Variants in AGBL4 observed in about 807,000 individuals in gnomAD.
The protein encoded by AGBL4 is AGBL carboxypeptidase 4.
In AGBL4, 58 loss-of-function variants were observed where a neutral mutation model predicts 66.4. The observed-to-expected ratio is 0.87, with a 90% confidence interval of 0.71 to 1.09. AGBL4 has a LOEUF of 1.09. AGBL4 is among the 50% of genes least tolerant of loss of function. The pLI is 0.00. For missense variants in AGBL4, 579 were observed against 631.0 expected (o/e 0.92, Z 0.88); for synonymous variants, 234 against 222.9 (o/e 1.05, Z -0.44).
chr1:49,566,127 C>T lies in AGBL4; in HGVS notation c.282+131186G>A, dbSNP rs564021016. ...AGGCTTATGCATTCATCACGTAGTT[C>T]TTGTGCCATGGTTTTCAGCTCCATC... On this transcript the variant is annotated intron_variant, in intron 3 of 13. Coordinates refer to ENST00000371839, the MANE Select transcript of AGBL4 (RefSeq NM_032785.4). Among the ~76,000 whole-genome samples the T allele has an allele frequency of 1.0e-3, 156 of 152,300 alleles. 4 individuals are homozygous for T. The highest frequency in any genetic ancestry group is 8.8e-5 in the Non-Finnish European group (6 of 68,028).
intron 6 of AGBL4, among the ~76,000 whole-genome samples, chr1:48,822,341 G>C (rs1423391696): frequency 6.6e-6 from 1 of 152,140 alleles, no homozygotes; most frequent in Non-Finnish European, 1.5e-5. Flanking sequence ...TGCTAAAGAA[G>C]ACTAAAAAGG....
At chr1:49,200,591 C>G (rs1056920470) in intron 4 of AGBL4, among the ~76,000 whole-genome samples, 1 of 152,104 alleles carries the variant, frequency 6.6e-6, no homozygotes, top group Non-Finnish European at 1.5e-5. Context: ...TCCTATAAAC[C>G]CTCTTTGAGT....
chr1:49,259,159 C>T (rs1313706534), intron 3 of AGBL4, among the ~76,000 whole-genome samples: 1 of 151,972 alleles, frequency 6.6e-6, no homozygotes, highest in East Asian at 1.9e-4. Context: ...GAAGGAAGCA[C>T]TAAACAAGGA....
intron 1 of AGBL4, 102 bp downstream of exon 1, chr1:50,023,661 A>G: frequency 1.5e-6 from 2 of 1,367,904 alleles, no homozygotes; most frequent in Non-Finnish European, 1.9e-6. Context: ...AATATACAGG[A>G]CCGCCTCCTC....
At chr1:48,803,802 C>G (rs1393203318) in intron 6 of AGBL4, among the ~76,000 whole-genome samples, 1 of 152,202 alleles carries the variant, frequency 6.6e-6, no homozygotes, top group African/African-American at 2.4e-5. Flanking sequence ...GCCAATCTTT[C>G]AAAAAGTTCT....
In AGBL4 at chr1:49,314,188, C is replaced by T. The variant is rs531937202; in HGVS notation, c.283-68324G>A. 4.0e-5 allele frequency among the ~76,000 whole-genome samples: 6 copies of T among 151,880 alleles called. No homozygotes were observed. The East Asian group carries it at 5.8e-4, about 15-fold the overall frequency. On this transcript the variant is annotated intron_variant, in intron 3 of 13. Coordinates refer to ENST00000371839, the MANE Select transcript of AGBL4 (RefSeq NM_032785.4). ...AGATCAGATGGTTGTAGATGTGTGG[C>T]GTTATTTCTGAGGCATCTATTCTGT... is the stretch of plus-strand genomic sequence containing the variant.
At chr1:48,656,652 A>T (rs1646025621) in intron 7 of AGBL4, among the ~76,000 whole-genome samples, 1 of 152,236 alleles carries the variant, frequency 6.6e-6, no homozygotes, top group South Asian at 2.1e-4. Context: ...CCATAAAAAG[A>T]ATAAAATCAC....
intron 2 of AGBL4, among the ~76,000 whole-genome samples, chr1:49,752,015 C>CA (rs1167461709): frequency 6.7e-6 from 1 of 148,390 alleles, no homozygotes; most frequent in Non-Finnish European, 1.5e-5. Flanking sequence ...TTAATCTTTT[C>CA]AAAAAACCAG....
intron 3 of AGBL4, among the ~76,000 whole-genome samples, chr1:49,642,905 A>C (rs1344219565): frequency 6.6e-6 from 1 of 152,026 alleles, no homozygotes; most frequent in Non-Finnish European, 1.5e-5. Context: ...AGCACTCAAT[A>C]AAGTGAAATT....
intron 9 of AGBL4, among the ~76,000 whole-genome samples, chr1:48,612,579 C>T (rs1645255504): frequency 6.6e-6 from 1 of 152,224 alleles, no homozygotes; most frequent in South Asian, 2.1e-4. Context: ...AAACAAATCT[C>T]TTGAAATCCT....
intron 2 of AGBL4, among the ~76,000 whole-genome samples, chr1:49,717,944 C>T (rs138490845): frequency 1.3e-5 from 2 of 152,168 alleles, no homozygotes; most frequent in East Asian, 3.9e-4. Context: ...TATCATGAAG[C>T]TAACGATCAA....
intron 3 of AGBL4, among the ~76,000 whole-genome samples, chr1:49,681,326 C>A (rs1050558550): frequency 1.3e-5 from 2 of 152,058 alleles, no homozygotes; most frequent in Non-Finnish European, 2.9e-5. Flanking sequence ...GATTTTATAT[C>A]AATCTTGTGT....
At chr1:49,144,703 A>G (rs1646184267) in intron 4 of AGBL4, among the ~76,000 whole-genome samples, 1 of 152,168 alleles carries the variant, frequency 6.6e-6, no homozygotes, top group African/African-American at 2.4e-5. Flanking sequence ...AAATGCTGTG[A>G]AAGAGAAATT....
chr1:49,878,239 T>C, intron 1 of AGBL4, among the ~76,000 whole-genome samples: 1 of 149,066 alleles, frequency 6.7e-6, no homozygotes, highest in Non-Finnish European at 1.5e-5. Context: ...CTAGTTCTTT[T>C]AATTGTGATC....
At chr1:49,845,471 G>A (rs1376086919) in intron 2 of AGBL4, 45 of 1,558,326 alleles carry the variant, frequency 2.9e-5, no homozygotes, top group Admixed American at 1.4e-4. Flanking sequence ...CAGCACCTGC[G>A]AATCCACACT....
At chr1:49,500,560 G>A (rs1648053871) in intron 3 of AGBL4, among the ~76,000 whole-genome samples, 2 of 151,980 alleles carry the variant, frequency 1.3e-5, no homozygotes, top group East Asian at 1.9e-4. Context: ...TTTGTATAAG[G>A]TGAGAGACGA....
intron 3 of AGBL4, among the ~76,000 whole-genome samples, chr1:49,491,380 A>G (rs1392960660): frequency 1.3e-5 from 2 of 151,824 alleles, no homozygotes; most frequent in Non-Finnish European, 2.9e-5. Context: ...AGTACTAGGG[A>G]GAAAATAAGA....
At position 49,488,140 on chromosome 1, in the gene AGBL4, T is replaced by C. The variant is rs369778121; in HGVS notation, c.282+209173A>G. ...GTACTGAATACCCAGATTTAATCCA[T>C]GTTAATATTTTGCCAGCTTCTAATC... On this transcript the variant is annotated intron_variant, in intron 3 of 13. Transcript: ENST00000371839. 3.5e-4 allele frequency among the ~76,000 whole-genome samples: 53 copies of C among 152,018 alleles called. 1 individual carries two copies. In the South Asian group the frequency reaches 9.7e-3, roughly 28 times the overall value.
chr1:49,034,907 G>A (rs533740281), intron 5 of AGBL4, among the ~76,000 whole-genome samples: 14 of 152,096 alleles, frequency 9.2e-5, no homozygotes, highest in Non-Finnish European at 1.9e-4. Context: ...AAGTATGTAC[G>A]CTAAAATTTC....
Sources: gnomAD v4.1 joint callset for allele counts (sites outside exome capture counted in the v4.1 genomes callset) on GRCh38, gnomAD v4.1.1 for gene constraint, MANE v1.5 for transcripts, NCBI Gene and HGNC (gene_info 2026-07-23, HGNC 2026-07-21) for gene names.